Variants in BBS2 observed in about 807,000 individuals in gnomAD.
BBS2 encodes the protein Bardet-Biedl syndrome 2, also known as BBSome complex member BBS2.
Under a neutral mutation model 83.0 loss-of-function variants are expected in BBS2, and 62 were observed. The ratio of observed to expected loss-of-function variants is 0.75; its 90% CI spans 0.61 to 0.92. The LOEUF (loss-of-function observed/expected upper bound fraction) is 0.92, where lower values mean the gene tolerates loss of function less well. Among genes scored for constraint, BBS2 ranks in the 40% least tolerant of loss-of-function variants. The pLI is 0.00. For missense variants in BBS2, 784 were observed against 901.0 expected, an observed-to-expected ratio of 0.87 and a Z score of 1.66; for synonymous variants, 303 against 326.1, an observed-to-expected ratio of 0.93 and a Z score of 0.76.
chr16:56,490,227 C>T (rs879699410), intron 15 of BBS2, among the ~76,000 whole-genome samples: 10 of 151,810 alleles, frequency 6.6e-5, no homozygotes, highest in Admixed American at 5.3e-4. Context: ...TATATGAACA[C>T]CAGGATAAAC....
intron 15 of BBS2, among the ~76,000 whole-genome samples, chr16:56,494,886 C>T (rs532715436): frequency 3.3e-5 from 5 of 149,698 alleles, no homozygotes; most frequent in South Asian, 2.1e-4. Flanking sequence ...GGCATGAACC[C>T]GGGAGGCGGA....
chr16:56,495,181 G>A (rs1284358428), intron 15 of BBS2, among the ~76,000 whole-genome samples: 1 of 151,908 alleles, frequency 6.6e-6, no homozygotes, highest in African/African-American at 2.4e-5. Context: ...AATTCATGAG[G>A]GAACATTATT....
intron 15 of BBS2, among the ~76,000 whole-genome samples, chr16:56,495,190 T>A (rs1218351560): frequency 6.6e-6 from 1 of 152,136 alleles, no homozygotes; most frequent in Non-Finnish European, 1.5e-5. Context: ...GGGAACATTA[T>A]TTTTCATAGA....
At chr16:56,497,519 T>C (rs1964147588) in intron 14 of BBS2, 1 of 601,232 alleles carries the variant, frequency 1.7e-6, no homozygotes, top group Non-Finnish European at 2.9e-6. Flanking sequence ...TGCATCACTT[T>C]AAACCAAACA....
intron 10 of BBS2, 138 bp downstream of exon 10, chr16:56,501,215 C>T: frequency 7.5e-7 from 1 of 1,334,764 alleles, no homozygotes. Flanking sequence ...GAGGCTGAGA[C>T]AGGAGAATGG....
chr16:56,516,309 A>T (rs1964746644), intron 1 of BBS2, among the ~76,000 whole-genome samples: 1 of 152,266 alleles, frequency 6.6e-6, no homozygotes, highest in African/African-American at 2.4e-5. Context: ...AAACAATATA[A>T]ATTCAACTGA....
chr16:56,518,286 T>C (rs1376665500), intron 1 of BBS2, among the ~76,000 whole-genome samples: 1 of 152,234 alleles, frequency 6.6e-6, no homozygotes, highest in African/African-American at 2.4e-5. Flanking sequence ...AAACTATAAA[T>C]TGTTACACAA....
In BBS2 at chr16:56,518,744, T is replaced by C. The variant is rs756881952; in HGVS notation, c.117+1002A>G. ...CTCCGTCAAATACACAGGGCTCTGA[T>C]TTGCCTTGTCTGTTAGCTTCTGGAC... On this transcript the variant is annotated intron_variant, in intron 1 of 16. Coordinates refer to ENST00000245157, the MANE Select transcript of BBS2 (RefSeq NM_031885.5). Among the ~76,000 whole-genome samples, 5 of 152,254 alleles carry C rather than the reference T, an allele frequency of 3.3e-5. 1 individual carries two copies. In the South Asian group the frequency reaches 8.3e-4, roughly 25 times the overall value.
chr16:56,511,263 T>C lies in BBS2; in HGVS notation c.367A>G (p.Ile123Val), dbSNP rs11373. The C allele has an allele frequency of 0.19, 304,683 of 1,613,704 alleles. 30,666 individuals are homozygous for C. The highest frequency in any genetic ancestry group is 0.41 in the East Asian group (18,373 of 44,852). The stretch of plus-strand genomic sequence containing the variant: ...ATGTCTCCCAATGTCCCCAGCACAA[T>C]TGCATTTGCCCCATCTGCTACCTAA... The part of the protein sequence containing the change: ...YREVADGANA[I>V]VLGTLGDISS... The change falls in exon 3 of 17, where the codon ATT becomes GTT. Residue 123 changes from isoleucine (I) to valine (V), a missense_variant. Transcript: ENST00000245157.
exon 18 of BBS2, chr16:56,470,637 T>A (rs1228509501): frequency 6.2e-7 from 1 of 1,613,928 alleles, no homozygotes; most frequent in Non-Finnish European, 8.5e-7. Context: ...ATGAGATGAA[T>A]GATAAAAAAG....
intron 12 of BBS2, 109 bp from the exon 13 acceptor site, chr16:56,498,677 C>A: frequency 6.3e-7 from 1 of 1,582,224 alleles, no homozygotes; most frequent in East Asian, 2.3e-5. Context: ...GAAGAGTTCT[C>A]CTTCTTTCTA....
rs919419667 is a variant in BBS2 at position 56,512,888 on chromosome 16, C to T, written c.345+1565G>A. ...AGAAAACCAGCCAAATGCAGTGGCT[C>T]ACATCTATAATTACAACACTTTGGG... On this transcript the variant is annotated intron_variant, in intron 2 of 16. Transcript: ENST00000245157. 2.6e-5 allele frequency among the ~76,000 whole-genome samples: 4 copies of T among 152,194 alleles called. No individual in the cohort carries two copies. In the South Asian group the frequency reaches 8.3e-4, roughly 32 times the overall value.
In BBS2 at chr16:56,473,902, G is replaced by A. The variant is rs193139073; in HGVS notation, c.*1-3207C>T. 3.6e-3 allele frequency among the ~76,000 whole-genome samples: 540 copies of A among 152,028 alleles called. 6 individuals carry two copies. Among genetic ancestry groups the A allele is most frequent in the African/African-American group, 0.012 (502 of 41,436 alleles). On this transcript the variant is annotated intron_variant, in intron 17 of 17. Coordinates refer to the BBS2 transcript ENST00000682047. Reference sequence around the variant, plus strand: ...GCTCACTGCAACCTCTGCCTCCCAGGTTCAAGCGATTCTCATGCCTCAGCC... The same window carrying A: ...GCTCACTGCAACCTCTGCCTCCCAGATTCAAGCGATTCTCATGCCTCAGCC...
At chr16:56,503,931 A>C (rs1964353010) in intron 7 of BBS2, among the ~76,000 whole-genome samples, 1 of 152,064 alleles carries the variant, frequency 6.6e-6, no homozygotes, top group Non-Finnish European at 1.5e-5. Flanking sequence ...AAAAAAAAAA[A>C]AAAGATGATT....
chr16:56,506,263 A>G, intron 5 of BBS2, 39 bp from the exon 6 acceptor site: 1 of 1,481,610 alleles, frequency 6.7e-7, no homozygotes. Context: ...TCTTTTCATT[A>G]AGACTCAGTT....
At chr16:56,519,244 T>TTGCAGGAACCCGGGAGGCGGAGGC (rs1160216138) in intron 1 of BBS2, among the ~76,000 whole-genome samples, 9 of 150,724 alleles carry the variant, frequency 6.0e-5, no homozygotes, top group African/African-American at 1.7e-4. Context: ...GGCAGGAGAA[T>TTGCAGGAACCCGGGAGGCGGAGGC]TGCAGGAACC....
Position 56,506,215 on chromosome 16 carries a change from A to C in BBS2, c.622T>G (p.Ser208Ala), listed in dbSNP as rs1964419214. The change falls in exon 6 of 17, where the codon TCT (serine) becomes GCT (alanine). Residue 208 changes from serine to alanine, a missense_variant. By Grantham distance (99) the Ser-to-Ala change is moderately conservative. Transcript: ENST00000245157. ...CGACTGCCATACATGGGACAAAGAG[A>C]GGTGACTATCTGCAAAACAATCCAC... ...AEMTETEIVT[S>A]LCPMYGSRFG... 3 of 1,613,318 alleles carry C rather than the reference A, an allele frequency of 1.9e-6. No individual in the cohort carries two copies. Among genetic ancestry groups the C allele is most frequent in the Non-Finnish European group, 2.5e-6 (3 of 1,179,370 alleles).
chr16:56,501,601 ATATTAT>A, intron 9 of BBS2, 104 bp from the exon 10 acceptor site: 1 of 1,390,090 alleles, frequency 7.2e-7, no homozygotes, highest in Admixed American at 1.8e-5. Context: ...AGCCTCCAGC[ATATTAT>A]TATTATTATA....
At chr16:56,493,579 CTT>C (rs1289257635) in intron 15 of BBS2, among the ~76,000 whole-genome samples, 1 of 151,944 alleles carries the variant, frequency 6.6e-6, no homozygotes, top group East Asian at 1.9e-4. Flanking sequence ...GAAAGTTAGA[CTT>C]TTCCGTGCAT....
Sources: gnomAD v4.1 joint callset for allele counts (sites outside exome capture counted in the v4.1 genomes callset) on GRCh38, gnomAD v4.1.1 for gene constraint, MANE v1.5 for transcripts, NCBI Gene and HGNC (gene_info 2026-07-23, HGNC 2026-07-21) for gene names.